The following ZNF541 variants were observed in gnomAD, a reference collection of about 807,000 sequenced individuals.
The protein encoded by ZNF541 is zinc finger protein 541.
A neutral mutation model predicts 123.5 loss-of-function variants in ZNF541; 23 were observed. The observed-to-expected ratio is 0.19, with a 90% confidence interval of 0.13 to 0.26. The LOEUF is 0.26. Among genes scored for constraint, ZNF541 ranks in the 10% least tolerant of loss-of-function variants. The pLI, the probability that ZNF541 is intolerant of heterozygous loss-of-function variation, is 1.00. For missense variants in ZNF541, 1,612 were observed against 1,789.9 expected, an observed-to-expected ratio of 0.90 and a Z score of 1.79; for synonymous variants, 751 against 754.5, an observed-to-expected ratio of 1.00 and a Z score of 0.08.
intron 2 of ZNF541, among the ~76,000 whole-genome samples, chr19:47,557,990 A>AG (rs1555777141): frequency 6.6e-6 from 1 of 152,120 alleles, no homozygotes; most frequent in Non-Finnish European, 1.5e-5. Flanking sequence ...CAAAATGGGC[A>AG]GGGGGAGTGG....
rs750537607 is a variant in ZNF541, at chr19:47,545,931, C to T, written c.598G>A (p.Glu200Lys). Residue 200 changes from glutamate (E) to lysine (K), a missense_variant, in exon 5 of 17, where the codon GAG becomes AAG. Physicochemically the swap from Glu to Lys is moderately conservative, Grantham distance 56. Coordinates refer to ENST00000391901, the MANE Select transcript of ZNF541 (RefSeq NM_001277075.3). This position sits in a 1 kb window ranked among gnomAD's most constrained non-coding sequence, Gnocchi z 7.5. Reference protein sequence around the residue: ...HQKTKPFVCIEQGCSKSYCDY... With the variant: ...HQKTKPFVCIKQGCSKSYCDY... ...CAGTAGCTCTTGCTGCAGCCCTGCT[C>T]GATGCACACGAAGGGCTTTGTCTTC... 67 of 1,520,420 alleles carry T rather than the reference C, an allele frequency of 4.4e-5. No individual in the cohort carries two copies. Among genetic ancestry groups the T allele is most frequent in the Admixed American group, 6.2e-5 (3 of 48,038 alleles). 94.2% of individuals were successfully genotyped at this position (1,520,420 alleles called of 1,614,324 possible). A position where few individuals can be genotyped will look rare whatever the true frequency, so the allele number is the denominator to read the frequency against.
In ZNF541 at chr19:47,521,465, A is replaced by G; in HGVS notation, c.3887+14T>C. The G allele has an allele frequency of 6.4e-7, 1 of 1,550,844 alleles. No homozygotes were observed. Among genetic ancestry groups the G allele is most frequent in the Non-Finnish European group, 8.7e-7 (1 of 1,146,404 alleles). ...TGGGAGCCCTGGGAGTGTTTCCAGG[A>G]GAAAGCTGGGTACCTTTCACACTCT... On this transcript the variant is annotated intron_variant, in intron 16 of 16. Transcript: ENST00000391901. The surrounding 1 kb of genome is among the most constrained non-coding windows in gnomAD (Gnocchi z 4.2).
At chr19:47,553,433 G>A (rs1164834466) in intron 3 of ZNF541, among the ~76,000 whole-genome samples, 2 of 130,588 alleles carry the variant, frequency 1.5e-5, no homozygotes, top group Admixed American at 8.4e-5. Context: ...TTTTTGAGAC[G>A]GAGTCTTGCT....
chr19:47,535,422 G>C (rs1450408175), intron 9 of ZNF541, among the ~76,000 whole-genome samples: 1 of 152,186 alleles, frequency 6.6e-6, no homozygotes, highest in Non-Finnish European at 1.5e-5. Flanking sequence ...CTACTAGGAT[G>C]GTTATACTTA....
Position 47,544,753 on chromosome 19 carries a change from C to T in ZNF541, c.1776G>A (p.Pro592=). 2.0e-6 allele frequency: 3 copies of T among 1,501,708 alleles called. No homozygotes were observed. The highest frequency in any genetic ancestry group is 2.5e-5 in the South Asian group (2 of 79,026). The allele number at this position is 1,501,708 out of a possible 1,614,324, so 93.0% of individuals were successfully genotyped here. The change falls in exon 5 of 17, where the codon CCG becomes CCA. Residue 592 remains proline, a synonymous_variant. Transcript: ENST00000391901. ...GCTGCTGCGGCCACGGCCCCTGCAG[C>T]GGCCTCAGGGCGGCTGGTTTGCCCT... ...APEGKPAALR[P]LQGPWPQQPP...
At chr19:47,541,417 AAAAAAATAAAAAAT>A (rs530078048) in intron 5 of ZNF541, among the ~76,000 whole-genome samples, 1 of 152,170 alleles carries the variant, frequency 6.6e-6, no homozygotes, top group Non-Finnish European at 1.5e-5. Flanking sequence ...CCTGTCTCAA[AAAAAAATAAAAAAT>A]AAAAAATAAA....
At position 47,534,810 on chromosome 19, in the gene ZNF541, G is replaced by C. The variant is rs541848171; in HGVS notation, c.3095-1838C>G. ...TTATGGTCAATTGATTTCTAACAAT[G>C]AATTGTGCTGAGTCAATTCAATGGG... is the stretch of plus-strand genomic sequence containing the variant. On this transcript the variant is annotated intron_variant, in intron 9 of 16. Transcript: ENST00000391901. Among the ~76,000 whole-genome samples the C allele has an allele frequency of 8.5e-5, 13 of 152,238 alleles. No homozygotes were observed. In the South Asian group the frequency reaches 2.7e-3, roughly 32 times the overall value.
intron 2 of ZNF541, among the ~76,000 whole-genome samples, chr19:47,570,729 TAAAC>T (rs1479288798): frequency 1.3e-5 from 2 of 151,826 alleles, no homozygotes; most frequent in South Asian, 2.1e-4. Flanking sequence ...AAAGTTTACA[TAAAC>T]AAAAATTCTC....
intron 2 of ZNF541, among the ~76,000 whole-genome samples, chr19:47,569,392 A>G (rs1421261515): frequency 6.6e-6 from 1 of 152,114 alleles, no homozygotes; most frequent in Non-Finnish European, 1.5e-5. Flanking sequence ...TATTTCACCA[A>G]TGAGGTAAAT....
chr19:47,528,613 C>T (rs1002140904), intron 14 of ZNF541, among the ~76,000 whole-genome samples: 5 of 151,962 alleles, frequency 3.3e-5, no homozygotes, highest in Admixed American at 1.3e-4. Context: ...CCACCATGGC[C>T]GGCCCTTATC....
chr19:47,523,903 C>G (rs1969165132), intron 14 of ZNF541, among the ~76,000 whole-genome samples: 1 of 152,280 alleles, frequency 6.6e-6, no homozygotes, highest in South Asian at 2.1e-4. Flanking sequence ...CAAGAACTCA[C>G]CCAAAGACTG....
At chr19:47,525,443 G>A (rs1406188127) in intron 14 of ZNF541, among the ~76,000 whole-genome samples, 2 of 152,084 alleles carry the variant, frequency 1.3e-5, no homozygotes, top group Admixed American at 6.5e-5. Context: ...ATGATCTTAA[G>A]ACTTAGAAAG....
intron 3 of ZNF541, among the ~76,000 whole-genome samples, chr19:47,552,872 A>G (rs1292384235): frequency 6.7e-6 from 1 of 148,220 alleles, no homozygotes; most frequent in South Asian, 2.2e-4. Flanking sequence ...GCACTTTGGG[A>G]GGCCGAGGAG....
At chr19:47,555,242 C>T (rs1462945428) in intron 3 of ZNF541, among the ~76,000 whole-genome samples, 1 of 151,504 alleles carries the variant, frequency 6.6e-6, no homozygotes, top group Non-Finnish European at 1.5e-5. Flanking sequence ...TGGTGGCGGG[C>T]GCCTGTAGTC....
chr19:47,535,747 A>G (rs1314068520), intron 9 of ZNF541, among the ~76,000 whole-genome samples: 1 of 150,954 alleles, frequency 6.6e-6, no homozygotes, highest in African/African-American at 2.4e-5. Flanking sequence ...TTTTGAGACC[A>G]AATTTAGCTC....
intron 2 of ZNF541, among the ~76,000 whole-genome samples, chr19:47,558,202 G>A (rs1970903590): frequency 6.6e-6 from 1 of 152,098 alleles, no homozygotes; most frequent in African/African-American, 2.4e-5. Context: ...GGATCATGAG[G>A]TCAGGAGATC....
rs933597569 is a variant in ZNF541, at chr19:47,538,122, A to C, written c.3094+20T>G. 2.5e-5 allele frequency: 38 copies of C among 1,549,334 alleles called. No homozygotes were observed. The highest frequency in any genetic ancestry group is 3.1e-5 in the Non-Finnish European group (36 of 1,146,758). ...CAATCCACCCTGGGATCACAGAGTG[A>C]GTGCCCCAGCCTCACTCACCGAGCA... On this transcript the variant is annotated intron_variant, in intron 9 of 16. Transcript: ENST00000391901.
chr19:47,552,742 CAAAAAAAAAAAA>C (rs573248609), intron 3 of ZNF541, among the ~76,000 whole-genome samples: 50 of 26,132 alleles, frequency 1.9e-3, no homozygotes, highest in Admixed American at 0.011. Flanking sequence ...GACTCCATCT[CAAAAAAAAAAAA>C]AAAAAAAAAA....
rs1416100311 is a variant in ZNF541 at position 47,544,487 on chromosome 19, C to T, written c.2042G>A (p.Arg681Gln). 6.4e-7 allele frequency: 1 copy of T among 1,551,680 alleles called. No homozygotes were observed. The highest frequency in any genetic ancestry group is 8.7e-7 in the Non-Finnish European group (1 of 1,147,008). The change falls in exon 5 of 17, where the codon CGA becomes CAA. Residue 681 changes from arginine (R) to glutamine (Q), a missense_variant. Physicochemically the swap from Arg to Gln is conservative, Grantham distance 43 (BLOSUM62 1). This residue lies in a region of ZNF541 where 1,080 missense variants were observed against 1,013.8 expected (regional missense o/e 1.07). Coordinates refer to ENST00000391901, the MANE Select transcript of ZNF541 (RefSeq NM_001277075.3). ...CAGGTCCAAGGTCCCTTTAGAGGAT[C>T]GCAGCTGCTTGGCCAGAGAAGAGAT... is the stretch of plus-strand genomic sequence containing the variant. ...PDISSLAKQL[R>Q]SSKGTLDLED...
Sources: allele counts gnomAD v4.1 joint callset (sites outside exome capture counted in the v4.1 genomes callset), GRCh38; gene constraint gnomAD v4.1.1; regional missense constraint gnomAD v4.1.1; non-coding constraint Gnocchi (gnomAD v3.1); transcripts MANE v1.5; gene names NCBI Gene and HGNC (gene_info 2026-07-23, HGNC 2026-07-21).